MSTO1: variants seen among roughly 807,000 people sequenced by gnomAD.
The protein encoded by MSTO1 is misato mitochondrial distribution and morphology regulator 1, also known as protein misato homolog 1.
MSTO1 carries 24 observed loss-of-function variants against 55.7 expected under a neutral mutation model. The observed-to-expected ratio is 0.43, with a 90% CI of 0.31 to 0.61. MSTO1 has a LOEUF of 0.61. Ranked by LOEUF, MSTO1 falls within the 20% of genes least tolerant of loss-of-function variation. The probability of loss-of-function intolerance (pLI) is 0.09; values close to 1 mark genes in which losing one functional copy is unlikely to be tolerated. For missense variants in MSTO1, 363 were observed against 625.7 expected (o/e 0.58, Z 4.48); for synonymous variants, 162 against 252.8 (o/e 0.64, Z 3.41).
the MSTO1 span, among the ~76,000 whole-genome samples, chr1:155,581,621 A>G: frequency 4.6e-5 from 7 of 151,826 alleles, no homozygotes; most frequent in African/African-American, 1.7e-4. Context: ...CATGTTGACC[A>G]GTACTCCTGA....
the MSTO1 span, among the ~76,000 whole-genome samples, chr1:155,576,539 A>T: frequency 6.6e-6 from 1 of 150,508 alleles, no homozygotes; most frequent in African/African-American, 2.4e-5. Flanking sequence ...GTTGGCCATG[A>T]TGGTCTCGAT....
At chr1:155,594,230 C>T in the MSTO1 span, among the ~76,000 whole-genome samples, 2 of 150,850 alleles carry the variant, frequency 1.3e-5, no homozygotes, top group African/African-American at 2.4e-5. Flanking sequence ...GATGAAACCC[C>T]GTCTCTACTA....
chr1:155,566,198 C>T, the MSTO1 span: 1 of 152,208 alleles, frequency 6.6e-6, no homozygotes, highest in African/African-American at 2.4e-5. Context: ...TCTCTGAACG[C>T]TCCAACAGTG....
chr1:155,574,870 CTT>C, the MSTO1 span, among the ~76,000 whole-genome samples: 7 of 126,214 alleles, frequency 5.5e-5, no homozygotes, highest in Middle Eastern at 4.3e-3. Flanking sequence ...AGAACTTTTT[CTT>C]TTTTTTTTTT....
intron 9 of MSTO1, 67 bp from the exon 10 acceptor site, chr1:155,612,777 A>C: frequency 6.3e-7 from 1 of 1,592,120 alleles, no homozygotes; most frequent in Non-Finnish European, 8.6e-7. Context: ...TCTGGTGTTA[A>C]TATTCTGCCT....
rs370991082 is a variant in MSTO1 at position 155,612,178 on chromosome 1, C to A, written c.679-4C>A. 1 of 1,613,762 alleles carries A rather than the reference C, an allele frequency of 6.2e-7. No individual in the cohort carries two copies. Among genetic ancestry groups the A allele is most frequent in the Admixed American group, 1.7e-5 (1 of 60,006 alleles). On this transcript the variant is annotated splice_polypyrimidine_tract_variant and splice_region_variant and intron_variant, in intron 7 of 13. Coordinates refer to ENST00000245564, the MANE Select transcript of MSTO1 (RefSeq NM_018116.4). ...ACTATCTTTTGTCACTCACCCCCGT[C>A]CAGGGCTTCCAGATCCTGTGTGACC...
At chr1:155,588,549 A>G in the MSTO1 span, among the ~76,000 whole-genome samples, 1 of 152,184 alleles carries the variant, frequency 6.6e-6, no homozygotes. Flanking sequence ...TACCTGAGGA[A>G]ATAGCCTGTG....
chr1:155,594,833 G>A, the MSTO1 span, among the ~76,000 whole-genome samples: 2 of 152,046 alleles, frequency 1.3e-5, no homozygotes, highest in African/African-American at 4.8e-5. Flanking sequence ...CAAAGATTTA[G>A]AGATAAAGAT....
At chr1:155,600,044 A>C in the MSTO1 span, among the ~76,000 whole-genome samples, 1 of 152,170 alleles carries the variant, frequency 6.6e-6, no homozygotes, top group African/African-American at 2.4e-5. Flanking sequence ...TGCAAGAGGC[A>C]TGCCTTCCTC....
the MSTO1 span, among the ~76,000 whole-genome samples, chr1:155,601,636 A>G: frequency 6.6e-6 from 1 of 152,182 alleles, no homozygotes. Flanking sequence ...AAAAAATAAA[A>G]AAAAGAAAAG....
At chr1:155,603,471 T>G in the MSTO1 span, among the ~76,000 whole-genome samples, 2 of 152,042 alleles carry the variant, frequency 1.3e-5, no homozygotes, top group African/African-American at 2.4e-5. Context: ...TTAATATACT[T>G]CAGTAATTGG....
the MSTO1 span, among the ~76,000 whole-genome samples, chr1:155,585,758 A>T: frequency 2.6e-5 from 4 of 152,144 alleles, no homozygotes; most frequent in Admixed American, 6.6e-5. Context: ...TGTATCCATT[A>T]TCCAGTGTTA....
chr1:155,606,035 C>CA (rs963923995), upstream of MSTO1, among the ~76,000 whole-genome samples: 1 of 150,968 alleles, frequency 6.6e-6, no homozygotes, highest in Non-Finnish European at 1.5e-5. Flanking sequence ...GTAGATCCAA[C>CA]TTTTTTTTTC....
chr1:155,582,026 G>A, the MSTO1 span, among the ~76,000 whole-genome samples: 1 of 151,476 alleles, frequency 6.6e-6, no homozygotes, highest in African/African-American at 2.4e-5. Context: ...CATGATCTCG[G>A]CTCACCGCAA....
At chr1:155,578,086 G>T in the MSTO1 span, among the ~76,000 whole-genome samples, 8 of 152,136 alleles carry the variant, frequency 5.3e-5, no homozygotes, top group South Asian at 1.5e-3. Context: ...GATTTTGATA[G>T]TAGCAATATT....
the MSTO1 span, chr1:155,598,852 G>A: frequency 3.0e-4 from 429 of 1,435,472 alleles, 1 homozygote; most frequent in Admixed American, 1.1e-3. Flanking sequence ...AAAAACACTC[G>A]GTCTTTGCCA....
upstream of MSTO1, chr1:155,610,040 C>T (rs412421): frequency 6.5e-3 from 3,846 of 591,354 alleles, 125 homozygotes; most frequent in African/African-American, 0.067. Flanking sequence ...GAGCCCCGCC[C>T]CTCACAGGCA....
the MSTO1 span, among the ~76,000 whole-genome samples, chr1:155,604,090 A>C: frequency 6.6e-6 from 1 of 152,198 alleles, no homozygotes. Context: ...ACATATTATT[A>C]ATTTAATAAG....
chr1:155,590,947 G>A, the MSTO1 span: 1 of 1,613,900 alleles, frequency 6.2e-7, no homozygotes, highest in Non-Finnish European at 8.5e-7. Context: ...CTCCACACAG[G>A]TGGTACACTT....
Sources: allele counts gnomAD v4.1 joint callset (sites outside exome capture counted in the v4.1 genomes callset), GRCh38; gene constraint gnomAD v4.1.1; transcripts MANE v1.5; gene names NCBI Gene and HGNC (gene_info 2026-07-23, HGNC 2026-07-21).